Variants in ADGRF1 observed in about 807,000 individuals in gnomAD.
ADGRF1 encodes the protein adhesion G protein-coupled receptor F1, also known as G protein-coupled receptor 110.
In ADGRF1, 85 loss-of-function variants were observed where a neutral mutation model predicts 87.2. That is an observed-to-expected ratio of 0.97 (90% CI 0.82 to 1.17). The LOEUF (loss-of-function observed/expected upper bound fraction) is 1.17, where lower values mean the gene tolerates loss of function less well. Ranked by LOEUF, ADGRF1 falls within the 50% of genes most tolerant of loss-of-function variation. ADGRF1 has a pLI of 0.00. For synonymous variants in ADGRF1, 430 were observed against 408.8 expected (o/e 1.05, Z -0.63); for missense variants, 1,169 against 1,077.2 (o/e 1.09, Z -1.19).
intron 2 of ADGRF1, among the ~76,000 whole-genome samples, chr6:47,028,346 G>A (rs1303491856): frequency 6.6e-6 from 1 of 152,216 alleles, no homozygotes; most frequent in Non-Finnish European, 1.5e-5. Flanking sequence ...AGTAATGCCA[G>A]TGGTTTAGAT....
At chr6:47,013,698 T>C in intron 9 of ADGRF1, 3 of 969,378 alleles carry the variant, frequency 3.1e-6, no homozygotes, top group Non-Finnish European at 3.7e-6. Context: ...ACCCAAATCT[T>C]ATGTCGAGTT....
At chr6:47,007,222 A>G in intron 12 of ADGRF1, 31 bp downstream of exon 12, 1 of 1,446,456 alleles carries the variant, frequency 6.9e-7, no homozygotes, top group South Asian at 1.2e-5. Flanking sequence ...TGTCTAGGCT[A>G]GGGGTTAATG....
At chr6:47,030,330 T>C (rs901277434) in intron 1 of ADGRF1, among the ~76,000 whole-genome samples, 1 of 152,206 alleles carries the variant, frequency 6.6e-6, no homozygotes, top group Non-Finnish European at 1.5e-5. Context: ...GGTCCTCTTA[T>C]GCCCCACCTT....
At chr6:47,036,541 C>T (rs937951384) in intron 1 of ADGRF1, among the ~76,000 whole-genome samples, 2 of 152,142 alleles carry the variant, frequency 1.3e-5, no homozygotes, top group African/African-American at 4.8e-5. Context: ...TCTGTGGGAC[C>T]TTTATACATA....
chr6:47,041,824 C>A (rs1780748999), intron 1 of ADGRF1, among the ~76,000 whole-genome samples: 1 of 152,102 alleles, frequency 6.6e-6, no homozygotes, highest in Admixed American at 6.6e-5. Context: ...TAGTGAAAAC[C>A]ATATGACTGA....
chr6:47,005,727 C>G, intron 13 of ADGRF1, 90 bp downstream of exon 13: 1 of 830,414 alleles, frequency 1.2e-6, no homozygotes, highest in Non-Finnish European at 2.0e-6. Flanking sequence ...GGGGTTTACA[C>G]AGAAGTTGGC....
chr6:47,018,209 T>G, intron 7 of ADGRF1: 1 of 360,992 alleles, frequency 2.8e-6, no homozygotes. Context: ...GTAATAAATT[T>G]AGAATCCATC....
chr6:47,020,843 A>C (rs942215424), intron 6 of ADGRF1, 54 bp from the exon 7 acceptor site: 14 of 1,420,808 alleles, frequency 9.9e-6, no homozygotes, highest in Non-Finnish European at 1.4e-5. Context: ...TACTTCAGAA[A>C]GACATTTGAG....
At chr6:47,040,282 C>A (rs1455557764) in intron 1 of ADGRF1, among the ~76,000 whole-genome samples, 1 of 151,950 alleles carries the variant, frequency 6.6e-6, no homozygotes, top group Non-Finnish European at 1.5e-5. Context: ...ACCATCCTGG[C>A]CAACACAATG....
chr6:47,012,373 C>A (rs989962362), intron 9 of ADGRF1, 178 bp from the exon 10 acceptor site: 32 of 1,172,476 alleles, frequency 2.7e-5, no homozygotes, highest in Non-Finnish European at 3.4e-5. Flanking sequence ...TTAGACATTG[C>A]ACTAGGTGCT....
Position 47,025,906 on chromosome 6 carries a change from T to C in ADGRF1, c.225A>G (p.Pro75=), listed in dbSNP as rs1780217004. 3.1e-6 allele frequency: 5 copies of C among 1,612,174 alleles called. No individual in the cohort carries two copies. The East Asian group carries it at 8.9e-5, about 29-fold the overall frequency. Residue 75 remains proline, a synonymous_variant, in exon 4 of 15, where the codon CCA becomes CCG. Transcript: ENST00000371253. ...LRNFLKLLKP[P]LLWSHGLIRI... The stretch of plus-strand genomic sequence containing the variant: ...TAATTAGCCCATGTGACCATAATAA[T>C]GGAGGCTTCAAGAGCTTCAGAAAAT...
intron 9 of ADGRF1, 42 bp from the exon 10 acceptor site, chr6:47,012,237 C>T: frequency 6.3e-7 from 1 of 1,592,498 alleles, no homozygotes; most frequent in Non-Finnish European, 8.6e-7. Context: ...CAATGACATG[C>T]TGTGTTTCAT....
intron 1 of ADGRF1, among the ~76,000 whole-genome samples, chr6:47,037,936 C>A (rs761530465): frequency 6.6e-6 from 1 of 152,210 alleles, no homozygotes; most frequent in Non-Finnish European, 1.5e-5. Flanking sequence ...TCTCTGCTTA[C>A]TGCACCCTCT....
rs1231355522 is a variant in ADGRF1, at chr6:47,012,808, C to G, written c.928-613G>C. The G allele has an allele frequency of 5.1e-6, 5 of 979,716 alleles. No homozygotes were observed. In the African/African-American group the frequency reaches 8.8e-5, roughly 17 times the overall value. 60.7% of individuals were successfully genotyped at this position (979,716 alleles called of 1,614,324 possible). On this transcript the variant is annotated intron_variant, in intron 9 of 14. Transcript: ENST00000371253. ...TTTTCGAGATGGAGTCTTGCTCTGT[C>G]AGCCAGGCTGGAGTGCGGTGGCATG...
In ADGRF1 at chr6:47,009,105, C is replaced by G; in HGVS notation, c.2330G>C (p.Arg777Thr). 6.2e-7 allele frequency: 1 copy of G among 1,614,114 alleles called. No homozygotes were observed. Among genetic ancestry groups the G allele is most frequent in the Non-Finnish European group, 8.5e-7 (1 of 1,180,012 alleles). Residue 777 changes from arginine (R) to threonine (T), a missense_variant, in exon 11 of 15, where the codon AGA becomes ACA. Coordinates refer to ENST00000371253, the MANE Select transcript of ADGRF1 (RefSeq NM_153840.4). ...GGTGGCCTTGTCATCCCGACTCAGT[C>G]TTTCCCCAACAGTCGGCCTCCAGAG... The part of the protein sequence containing the change: ...TKLWRPTVGE[R>T]LSRDDKATII...
chr6:47,040,857 G>A (rs1780722419), intron 1 of ADGRF1, among the ~76,000 whole-genome samples: 1 of 152,212 alleles, frequency 6.6e-6, no homozygotes, highest in Admixed American at 6.5e-5. Flanking sequence ...GCACATTGTT[G>A]TGAAAGTATG....
intron 10 of ADGRF1, 134 bp downstream of exon 10, chr6:47,011,873 A>C (rs1185370581): frequency 2.7e-6 from 2 of 731,584 alleles, no homozygotes; most frequent in African/African-American, 1.8e-5. Flanking sequence ...CCTCAGAGGA[A>C]GCAGTAAAGT....
intron 1 of ADGRF1, among the ~76,000 whole-genome samples, chr6:47,034,643 A>C (rs1213297072): frequency 6.6e-6 from 1 of 152,214 alleles, no homozygotes; most frequent in Non-Finnish European, 1.5e-5. Flanking sequence ...GGATTATCAC[A>C]CATAGTAGCT....
In ADGRF1 at chr6:47,009,440, GT is replaced by G; in HGVS notation, c.1994del (p.His665ProfsTer33). The G allele has an allele frequency of 6.2e-7, 1 of 1,613,942 alleles. No individual in the cohort carries two copies. Among genetic ancestry groups the G allele is most frequent in the Non-Finnish European group, 8.5e-7 (1 of 1,179,936 alleles). On this transcript the variant is annotated frameshift_variant, in exon 11 of 15. Transcript: ENST00000371253. LOFTEE classifies it high-confidence loss of function. ...AGAAGAACAAAGAGAGGTAGAAGAA[GT>G]GTGTAAAGAACACAGCAGCTGTGCA... is the stretch of plus-strand genomic sequence containing the variant. ...GVCTAAVFFTHFFYLSLFFWM... is the reference protein window; with the variant it reads ...GVCTAAVFFTXFFYLSLFFWM...
Sources: allele counts gnomAD v4.1 joint callset (sites outside exome capture counted in the v4.1 genomes callset), GRCh38; gene constraint gnomAD v4.1.1; transcripts MANE v1.5; gene names NCBI Gene and HGNC (gene_info 2026-07-23, HGNC 2026-07-21).